Variants in TMOD1 observed in about 807,000 individuals in gnomAD.
TMOD1 encodes the protein tropomodulin-1.
In TMOD1, 17 loss-of-function variants were observed where a neutral mutation model predicts 40.6. The observed-to-expected ratio is 0.42, with a 90% CI of 0.29 to 0.63. TMOD1 has a LOEUF of 0.63. TMOD1 is among the 20% of genes least tolerant of loss of function. The pLI is 0.22. For missense variants in TMOD1, 391 were observed against 447.6 expected, an observed-to-expected ratio of 0.87 and a Z score of 1.14; for synonymous variants, 181 against 175.0, an observed-to-expected ratio of 1.03 and a Z score of -0.27.
At position 97,576,656 on chromosome 9, in the gene TMOD1, C is replaced by T. The variant is rs374372475; in HGVS notation, c.870+7619C>T. On this transcript the variant is annotated intron_variant, in intron 8 of 9. Coordinates refer to ENST00000259365, the MANE Select transcript of TMOD1 (RefSeq NM_003275.4). ...TTTTTTTTTTTTTCTTTTTTTGAGA[C>T]GGAGTCTTGCTCTGTTGCCCAGGCT... is the stretch of plus-strand genomic sequence containing the variant. Among the ~76,000 whole-genome samples the T allele has an allele frequency of 6.0e-5, 9 of 149,194 alleles. No individual in the cohort carries two copies. The East Asian group carries it at 9.8e-4, about 16-fold the overall frequency.
chr9:97,556,694 C>A (rs1433128595), intron 4 of TMOD1, among the ~76,000 whole-genome samples: 1 of 152,144 alleles, frequency 6.6e-6, no homozygotes, highest in Non-Finnish European at 1.5e-5. Flanking sequence ...TAAACAAACA[C>A]CAGGTAAGTA....
rs1309257970 is a variant in TMOD1 at position 97,601,360 on chromosome 9, G to A, written c.*1662G>A. 1 of 1,116,416 alleles carries A rather than the reference G, an allele frequency of 9.0e-7. No individual in the cohort carries two copies. Among genetic ancestry groups the A allele is most frequent in the Non-Finnish European group, 1.1e-6 (1 of 902,348 alleles). The allele number at this position is 1,116,416 out of a possible 1,614,324, so 69.2% of individuals were successfully genotyped here. On this transcript the variant is annotated 3_prime_UTR_variant, in exon 10 of 10. Transcript: ENST00000259365. ...TGGCAGTGCTGGATGACCTCAGTAAGAATGTGTCATGTATTCCAGGTGCTG... is the reference window on the plus strand; with the variant it reads ...TGGCAGTGCTGGATGACCTCAGTAAAAATGTGTCATGTATTCCAGGTGCTG...
chr9:97,595,573 A>G (rs1014712782), intron 9 of TMOD1, among the ~76,000 whole-genome samples: 2 of 137,242 alleles, frequency 1.5e-5, no homozygotes, highest in African/African-American at 5.6e-5. Context: ...GCTGAATCGT[A>G]CTCCATTGTG....
Position 97,601,517 on chromosome 9 carries a change from C to G in TMOD1, c.*1819C>G. ...AATCTCTCATAGAAACGAAACCAAA[C>G]CAACAGAAAATGAAGAAGGCCACAT... On this transcript the variant is annotated 3_prime_UTR_variant, in exon 10 of 10. Coordinates refer to ENST00000259365, the MANE Select transcript of TMOD1 (RefSeq NM_003275.4). 5 of 988,784 alleles carry G rather than the reference C, an allele frequency of 5.1e-6. No individual in the cohort carries two copies. The highest frequency in any genetic ancestry group is 6.0e-6 in the Non-Finnish European group (5 of 831,986). 61.3% of individuals were successfully genotyped at this position (988,784 alleles called of 1,614,324 possible).
At chr9:97,592,952 A>G (rs1206014643) in intron 9 of TMOD1, among the ~76,000 whole-genome samples, 1 of 152,220 alleles carries the variant, frequency 6.6e-6, no homozygotes, top group Non-Finnish European at 1.5e-5. Context: ...GAAATAAAAT[A>G]AGAACAAACA....
In TMOD1 at chr9:97,564,084, A is replaced by G. The variant is rs1394380402; in HGVS notation, c.534A>G (p.Pro178=). The G allele has an allele frequency of 6.2e-7, 1 of 1,614,098 alleles. No homozygotes were observed. The highest frequency in any genetic ancestry group is 8.5e-7 in the Non-Finnish European group (1 of 1,180,042). The change falls in exon 6 of 10, where the codon CCA becomes CCG. Residue 178 remains proline, a synonymous_variant. Transcript: ENST00000259365. ...TQYKPVPDEE[P]NSTDVEETLE... The stretch of plus-strand genomic sequence containing the variant: ...ACAAGCCTGTGCCCGACGAAGAACC[A>G]AATTCAACAGACGTAGAGGAAACGC...
rs760151917 is a variant in TMOD1 at position 97,599,917 on chromosome 9, G to A, written c.*219G>A. ...TCTTTAGTCACAGAAGTTGAATCTG[G>A]TTATTATTTAAAAACTAGAAGCCCC... is the stretch of plus-strand genomic sequence containing the variant. On this transcript the variant is annotated 3_prime_UTR_variant, in exon 10 of 10. Transcript: ENST00000259365. The A allele has an allele frequency of 1.2e-4, 159 of 1,314,220 alleles. No homozygotes were observed. The highest frequency in any genetic ancestry group is 1.1e-3 in the Admixed American group (35 of 31,680). 81.4% of individuals were successfully genotyped at this position (1,314,220 alleles called of 1,614,324 possible).
intron 2 of TMOD1, among the ~76,000 whole-genome samples, chr9:97,544,799 G>A (rs550656291): frequency 4.4e-4 from 67 of 152,118 alleles, no homozygotes; most frequent in African/African-American, 1.5e-3. Context: ...CTTGAGTTTG[G>A]GAGTTCGAGA....
intron 8 of TMOD1, among the ~76,000 whole-genome samples, chr9:97,576,862 A>G (rs1268820508): frequency 6.6e-6 from 1 of 151,690 alleles, no homozygotes; most frequent in Admixed American, 6.6e-5. Context: ...GATGGTCTCG[A>G]TCTCCTGACC....
intron 2 of TMOD1, among the ~76,000 whole-genome samples, chr9:97,542,732 A>G (rs1272454590): frequency 1.3e-5 from 2 of 151,890 alleles, no homozygotes; most frequent in Non-Finnish European, 2.9e-5. Flanking sequence ...GGGCATCTGT[A>G]GTCCCAGCTA....
chr9:97,534,536 A>C (rs1830150766), intron 2 of TMOD1, among the ~76,000 whole-genome samples: 1 of 152,238 alleles, frequency 6.6e-6, no homozygotes, highest in South Asian at 2.1e-4. Context: ...AGCTGGGTGG[A>C]AAAGCCAATG....
chr9:97,588,898 C>T (rs1047219250), intron 8 of TMOD1, among the ~76,000 whole-genome samples: 4 of 152,042 alleles, frequency 2.6e-5, no homozygotes, highest in Non-Finnish European at 5.9e-5. Flanking sequence ...AGGTGGATCA[C>T]CTGAGTTCAG....
At chr9:97,528,712 G>A (rs1830054513) in intron 2 of TMOD1, among the ~76,000 whole-genome samples, 2 of 152,196 alleles carry the variant, frequency 1.3e-5, no homozygotes, top group South Asian at 2.1e-4. Context: ...CCAGCCAGCA[G>A]GTGTCTGCCC....
At chr9:97,599,577 G>A (rs1365882859) in intron 9 of TMOD1, 57 bp from the exon 10 acceptor site, 3 of 1,609,596 alleles carry the variant, frequency 1.9e-6, no homozygotes, top group South Asian at 1.1e-5. Flanking sequence ...CAGCAACAGT[G>A]CTGGCCCCTG....
intron 8 of TMOD1, among the ~76,000 whole-genome samples, chr9:97,590,067 T>C (rs1174772063): frequency 6.6e-6 from 1 of 152,040 alleles, no homozygotes; most frequent in African/African-American, 2.4e-5. Flanking sequence ...TTTTTTCTTT[T>C]TTTTTCTTTC....
rs1587971038 is a variant in TMOD1, at chr9:97,599,712, A to G, written c.*14A>G. 1 of 1,613,928 alleles carries G rather than the reference A, an allele frequency of 6.2e-7. No homozygotes were observed. Among genetic ancestry groups the G allele is most frequent in the African/African-American group, 1.3e-5 (1 of 74,876 alleles). ...AGTGGTGTCTAGTGTGTGGCGGTGG[A>G]GTCCATGCCTTTGAACTGGATGTGT... On this transcript the variant is annotated 3_prime_UTR_variant, in exon 10 of 10. Transcript: ENST00000259365.
chr9:97,598,784 C>T (rs1826175721), intron 9 of TMOD1, among the ~76,000 whole-genome samples: 1 of 152,210 alleles, frequency 6.6e-6, no homozygotes, highest in Non-Finnish European at 1.5e-5. Context: ...GCTTGGGAAC[C>T]TGAAGACATC....
chr9:97,517,041 G>A (rs1829821349), intron 1 of TMOD1, among the ~76,000 whole-genome samples: 1 of 152,130 alleles, frequency 6.6e-6, no homozygotes, highest in African/African-American at 2.4e-5. Context: ...AAAAGATAGT[G>A]GGCCTGTGGG....
At chr9:97,579,022 G>C (rs1287981327) in intron 8 of TMOD1, among the ~76,000 whole-genome samples, 1 of 152,160 alleles carries the variant, frequency 6.6e-6, no homozygotes, top group Non-Finnish European at 1.5e-5. Context: ...TTCCAGGGCT[G>C]TGCTGAGTCC....
Sources: gnomAD v4.1 joint callset for allele counts (sites outside exome capture counted in the v4.1 genomes callset) on GRCh38, gnomAD v4.1.1 for gene constraint, MANE v1.5 for transcripts, NCBI Gene and HGNC (gene_info 2026-07-23, HGNC 2026-07-21) for gene names.